The following HECW2 variants were observed in gnomAD, a reference collection of about 807,000 sequenced individuals.
HECW2 encodes HECT, C2 and WW domain containing E3 ubiquitin protein ligase 2.
HECW2 carries 61 observed loss-of-function variants against 175.2 expected under a neutral mutation model. That is an observed-to-expected ratio of 0.35 (90% CI 0.28 to 0.43). HECW2 has a LOEUF of 0.43. Ranked by LOEUF, HECW2 falls within the 20% of genes least tolerant of loss-of-function variation. The pLI, the probability that HECW2 is intolerant of heterozygous loss-of-function variation, is 1.00. For missense variants in HECW2, 1,524 were observed against 2,000.5 expected (o/e 0.76, Z 4.54); for synonymous variants, 671 against 731.0 (o/e 0.92, Z 1.32).
chr2:196,213,073 A>C (rs985124169), intron 28 of HECW2, among the ~76,000 whole-genome samples: 1 of 152,228 alleles, frequency 6.6e-6, no homozygotes. Context: ...TTAGGCCAGA[A>C]CCAATTTTAC....
intron 5 of HECW2, among the ~76,000 whole-genome samples, chr2:196,327,831 G>A (rs1692210719): frequency 6.6e-6 from 1 of 152,164 alleles, no homozygotes; most frequent in African/African-American, 2.4e-5. Context: ...TAAGGAAGAA[G>A]CATTTGGCTG....
intron 1 of HECW2, among the ~76,000 whole-genome samples, chr2:196,457,797 C>T (rs1280592231): frequency 1.3e-5 from 2 of 148,666 alleles, no homozygotes; most frequent in East Asian, 3.9e-4. Flanking sequence ...TTTCTCAGAG[C>T]ATACTCATAC....
chr2:196,270,639 A>AT (rs1384878030), intron 17 of HECW2, among the ~76,000 whole-genome samples: 1 of 151,084 alleles, frequency 6.6e-6, no homozygotes, highest in East Asian at 1.9e-4. Context: ...CTTGGCTTAA[A>AT]TTTTTTTTTC....
At chr2:196,273,300 C>A (rs1689818214) in intron 16 of HECW2, among the ~76,000 whole-genome samples, 2 of 152,076 alleles carry the variant, frequency 1.3e-5, no homozygotes. Context: ...ATCTGTCGAC[C>A]TTGTGATCTG....
chr2:196,320,744 C>A (rs906979627), intron 7 of HECW2, among the ~76,000 whole-genome samples: 1 of 152,094 alleles, frequency 6.6e-6, no homozygotes, highest in African/African-American at 2.4e-5. Context: ...TTAAGGGTGA[C>A]CAGGAAAAGG....
At chr2:196,272,017 A>G (rs1246493083) in intron 16 of HECW2, among the ~76,000 whole-genome samples, 2 of 152,188 alleles carry the variant, frequency 1.3e-5, no homozygotes, top group Non-Finnish European at 2.9e-5. Context: ...GATCATTTAA[A>G]CTTACGAAAA....
At chr2:196,310,662 G>C (rs185917968) in intron 10 of HECW2, among the ~76,000 whole-genome samples, 58 of 152,258 alleles carry the variant, frequency 3.8e-4, no homozygotes, top group Middle Eastern at 3.4e-3. Flanking sequence ...GCTAAAATGA[G>C]ATAGGCAGAG....
chr2:196,539,333 A>C (rs1689128684), intron 1 of HECW2, among the ~76,000 whole-genome samples: 1 of 152,204 alleles, frequency 6.6e-6, no homozygotes, highest in Non-Finnish European at 1.5e-5. Flanking sequence ...TTGGTCAATA[A>C]ACAAATACTT....
chr2:196,553,518 A>C (rs1469435799), intron 1 of HECW2, among the ~76,000 whole-genome samples: 1 of 152,222 alleles, frequency 6.6e-6, no homozygotes, highest in African/African-American at 2.4e-5. Context: ...AGAGCATTAC[A>C]AATGGTAATA....
chr2:196,236,838 G>C (rs1688269779), intron 21 of HECW2, among the ~76,000 whole-genome samples: 1 of 152,170 alleles, frequency 6.6e-6, no homozygotes, highest in Non-Finnish European at 1.5e-5. Flanking sequence ...TATTGATGTT[G>C]ACCTTGATCA....
In HECW2 at chr2:196,267,938, C is replaced by T. The variant is rs182011682; in HGVS notation, c.3335+3255G>A. ...GCTATGTTGGTACTGGGAGTCCTTG[C>T]TCCAGGTATGAATATAAGGTCCACA... On this transcript the variant is annotated intron_variant, in intron 17 of 28. Transcript: ENST00000644978. Among the ~76,000 whole-genome samples, 109 of 152,278 alleles carry T rather than the reference C, an allele frequency of 7.2e-4. 1 individual carries two copies. Among genetic ancestry groups the T allele is most frequent in the Non-Finnish European group, 6.2e-4 (42 of 68,022 alleles).
intron 1 of HECW2, among the ~76,000 whole-genome samples, chr2:196,520,195 G>C (rs1476631821): frequency 6.6e-6 from 1 of 151,890 alleles, no homozygotes; most frequent in African/African-American, 2.4e-5. Flanking sequence ...GCTAACAATA[G>C]AGGAAACTGG....
rs145400040 is a variant in HECW2, at chr2:196,536,224, T to C, written c.-36+57284A>G. Among the ~76,000 whole-genome samples the C allele has an allele frequency of 1.8e-4, 27 of 152,352 alleles. No individual in the cohort carries two copies. The East Asian group carries it at 5.0e-3, about 28-fold the overall frequency. ...CCAGTAACCTGATCTGTAAACACTT[T>C]GATGCTCCTGTAAAACTTACGGGAT... On this transcript the variant is annotated intron_variant, in intron 1 of 28. Transcript: ENST00000644978.
chr2:196,214,742 G>C (rs996794827), intron 28 of HECW2, among the ~76,000 whole-genome samples: 1 of 152,142 alleles, frequency 6.6e-6, no homozygotes, highest in African/African-American at 2.4e-5. Flanking sequence ...TGTATTTTCA[G>C]CACCCTTTTT....
intron 2 of HECW2, among the ~76,000 whole-genome samples, chr2:196,347,789 G>A (rs1022039277): frequency 6.6e-6 from 1 of 152,236 alleles, no homozygotes; most frequent in African/African-American, 2.4e-5. Context: ...TGCTTGTCAA[G>A]TAAGAGACCC....
intron 1 of HECW2, among the ~76,000 whole-genome samples, chr2:196,576,191 G>A (rs1313103171): frequency 6.6e-6 from 1 of 151,952 alleles, no homozygotes; most frequent in African/African-American, 2.4e-5. Context: ...TGTACCCCAA[G>A]AGCAATAAGC....
chr2:196,464,481 G>A (rs1241552383), intron 1 of HECW2, among the ~76,000 whole-genome samples: 1 of 152,150 alleles, frequency 6.6e-6, no homozygotes, highest in Non-Finnish European at 1.5e-5. Context: ...TGACTAAGCT[G>A]AGACATTCAA....
chr2:196,385,960 C>T (rs938495880), intron 2 of HECW2, among the ~76,000 whole-genome samples: 4 of 151,416 alleles, frequency 2.6e-5, no homozygotes, highest in African/African-American at 9.7e-5. Context: ...GTATCTAGAA[C>T]TTCTTCCTAT....
intron 2 of HECW2, among the ~76,000 whole-genome samples, chr2:196,371,794 C>T (rs1240710221): frequency 6.6e-6 from 1 of 152,320 alleles, no homozygotes; most frequent in Admixed American, 6.5e-5. Flanking sequence ...TGAGCCTCTC[C>T]TAACCCAGGA....
Sources: gnomAD v4.1 joint callset for allele counts (sites outside exome capture counted in the v4.1 genomes callset) on GRCh38, gnomAD v4.1.1 for gene constraint, MANE v1.5 for transcripts, NCBI Gene and HGNC (gene_info 2026-07-23, HGNC 2026-07-21) for gene names.